The following MMP25 variants were observed in gnomAD, a reference collection of about 807,000 sequenced individuals.
The protein encoded by MMP25 is matrix metallopeptidase 25.
MMP25 carries 68 observed loss-of-function variants against 62.1 expected under a neutral mutation model. The observed-to-expected ratio is 1.10, with a 90% CI of 0.90 to 1.34. MMP25 has a LOEUF of 1.34. Ranked by LOEUF, MMP25 falls within the 40% of genes most tolerant of loss-of-function variation. The pLI is 0.00. For synonymous variants in MMP25, 407 were observed against 345.6 expected, an observed-to-expected ratio of 1.18 and a Z score of -1.97; for missense variants, 942 against 792.5, an observed-to-expected ratio of 1.19 and a Z score of -2.26.
Position 3,046,763 on chromosome 16 carries a change from C to A in MMP25, c.-155C>A, listed in dbSNP as rs1247861971. 4.4e-6 allele frequency: 2 copies of A among 457,242 alleles called. No individual in the cohort carries two copies. Among genetic ancestry groups the A allele is most frequent in the Non-Finnish European group, 7.6e-6 (2 of 262,280 alleles). 28.3% of individuals were successfully genotyped at this position (457,242 alleles called of 1,614,324 possible). A position where few individuals can be genotyped will look rare whatever the true frequency, so the allele number is the denominator to read the frequency against. ...GACTCCACCGCGCACTTCCCGGGAC[C>A]CCCACACACATCCCAGCCCTCCGGC... On this transcript the variant is annotated 5_prime_UTR_variant, in exon 1 of 10. Coordinates refer to ENST00000336577, the MANE Select transcript of MMP25 (RefSeq NM_022468.5).
At chr16:3,057,671 A>G (rs375091283) in intron 7 of MMP25, 58 bp downstream of exon 7, 5 of 1,497,756 alleles carry the variant, frequency 3.3e-6, no homozygotes, top group Admixed American at 1.7e-5. Flanking sequence ...CCAGTGACCC[A>G]CTGGGGCTGT....
chr16:3,053,247 T>G (rs1467899759), intron 4 of MMP25: 1 of 152,306 alleles, frequency 6.6e-6, no homozygotes, highest in Admixed American at 6.6e-5. Context: ...GGCAGGAGGA[T>G]TGCTTGAGTC....
At position 3,050,106 on chromosome 16, in the gene MMP25, G is replaced by T. The variant is rs779040580; in HGVS notation, c.330G>T (p.Leu110=). ...GLVRRRRRYA[L]SGSVWKKRTL... ...TCAGGCGGCGTCGCCGGTACGCTCTGAGCGGCAGCGTGTGGAAGAAGCGAA... is the reference window on the plus strand; with the variant it reads ...TCAGGCGGCGTCGCCGGTACGCTCTTAGCGGCAGCGTGTGGAAGAAGCGAA... The change falls in exon 3 of 10, where the codon CTG becomes CTT. Residue 110 remains leucine, a synonymous_variant. Transcript: ENST00000336577. The T allele has an allele frequency of 3.1e-6, 5 of 1,609,570 alleles. No individual in the cohort carries two copies. Among genetic ancestry groups the T allele is most frequent in the Admixed American group, 1.7e-5 (1 of 59,946 alleles).
At chr16:3,047,287 C>T in intron 1 of MMP25, 128 bp from the exon 2 acceptor site, 1 of 1,382,970 alleles carries the variant, frequency 7.2e-7, no homozygotes, top group Non-Finnish European at 9.8e-7. Flanking sequence ...GGGGAGCAGG[C>T]AGGCATCCGG....
chr16:3,057,247 C>T, intron 5 of MMP25, 38 bp downstream of exon 5: 10 of 1,613,944 alleles, frequency 6.2e-6, no homozygotes, highest in Non-Finnish European at 6.8e-6. Flanking sequence ...CCATCATTGC[C>T]CCATCCAGTG....
rs762354889 is a variant in MMP25, at chr16:3,057,035, G to T, written c.664G>T (p.Gly222Cys). ...CTCTCACCCACTTTCTCCTGCAGAC[G>T]GCGAGGGGACCGACCTGTTTGCCGT... ...EETWTFGSKD[G>C]EGTDLFAVAV... The change falls in exon 5 of 10, where the codon GGC becomes TGC. Residue 222 changes from glycine (G) to cysteine (C), a missense_variant and splice_region_variant. By Grantham distance (159) the Gly-to-Cys change is radical. Coordinates refer to ENST00000336577, the MANE Select transcript of MMP25 (RefSeq NM_022468.5). 6.4e-7 allele frequency: 1 copy of T among 1,567,510 alleles called. No individual in the cohort carries two copies. Among genetic ancestry groups the T allele is most frequent in the South Asian group, 1.2e-5 (1 of 85,608 alleles).
chr16:3,059,160 G>T lies in MMP25; in HGVS notation c.*62G>T, dbSNP rs900427647. The T allele has an allele frequency of 1.5e-5, 22 of 1,461,032 alleles. No individual in the cohort carries two copies. The highest frequency in any genetic ancestry group is 2.0e-5 in the Non-Finnish European group (22 of 1,100,474). The allele number at this position is 1,461,032 out of a possible 1,614,324, so 90.5% of individuals were successfully genotyped here. ...GGCCGAGTCCCCCGCCGCTGGACCT[G>T]GTCGGGGGTTGTGAGGCGCTGCGGA... On this transcript the variant is annotated 3_prime_UTR_variant, in exon 10 of 10. Transcript: ENST00000336577.
rs752637822 is a variant in MMP25, at chr16:3,050,415, C to T, written c.530C>T (p.Ala177Val). The T allele has an allele frequency of 6.2e-7, 1 of 1,613,872 alleles. No homozygotes were observed. Among genetic ancestry groups the T allele is most frequent in the Non-Finnish European group, 8.5e-7 (1 of 1,180,024 alleles). ...GACATCCTCATCGACTTTGCCCGCGCCTTCCACCAGGACAGCTACCCCTTC... is the reference window on the plus strand; with the variant it reads ...GACATCCTCATCGACTTTGCCCGCGTCTTCCACCAGGACAGCTACCCCTTC... The part of the protein sequence containing the change: ...EPDILIDFAR[A>V]FHQDSYPFDG... Residue 177 changes from alanine to valine, a missense_variant, in exon 4 of 10, where the codon GCC becomes GTC. Coordinates refer to ENST00000336577, the MANE Select transcript of MMP25 (RefSeq NM_022468.5).
intron 5 of MMP25, 22 bp downstream of exon 5, chr16:3,057,231 G>T (rs759462000): frequency 1.2e-6 from 2 of 1,613,502 alleles, no homozygotes; most frequent in African/African-American, 1.3e-5. Flanking sequence ...GGGACCTGCC[G>T]CGAAACCATC....
chr16:3,050,267 C>A lies in MMP25; in HGVS notation c.382C>A (p.Pro128Thr). The change falls in exon 4 of 10, where the codon CCC (proline) becomes ACC (threonine). Residue 128 changes from proline to threonine, a missense_variant. Transcript: ENST00000336577. ...CCCTCTCCCCAGGGTACGTTCCTTC[C>A]CCCAGAGCTCCCAGCTGAGCCAGGA... ...RTLTWRVRSF[P>T]QSSQLSQETV... The A allele has an allele frequency of 6.3e-7, 1 of 1,599,184 alleles. No homozygotes were observed. The highest frequency in any genetic ancestry group is 2.2e-5 in the East Asian group (1 of 44,622).
chr16:3,051,660 C>G (rs1955903672), intron 4 of MMP25: 1 of 152,140 alleles, frequency 6.6e-6, no homozygotes, highest in Non-Finnish European at 1.5e-5. Flanking sequence ...AAATCTTTAC[C>G]TGGCAGCTGA....
chr16:3,058,877 A>G lies in MMP25; in HGVS notation c.1468A>G (p.Ser490Gly). 1 of 1,555,074 alleles carries G rather than the reference A, an allele frequency of 6.4e-7. No homozygotes were observed. Among genetic ancestry groups the G allele is most frequent in the Non-Finnish European group, 8.7e-7 (1 of 1,149,116 alleles). Residue 490 changes from serine (S) to glycine (G), a missense_variant, in exon 10 of 10, where the codon AGC (serine) becomes GGC (glycine). Coordinates refer to ENST00000336577, the MANE Select transcript of MMP25 (RefSeq NM_022468.5). ...CCACTACTGGCGCTTCCCCAAGAAC[A>G]GCATCAAGACCGAGCCGGACGCCCC... is the stretch of plus-strand genomic sequence containing the variant. ...GAHYWRFPKN[S>G]IKTEPDAPQP... is the part of the protein sequence containing the mutation.
chr16:3,059,120 A>T lies in MMP25; in HGVS notation c.*22A>T, dbSNP rs1369133486. 1 of 1,511,228 alleles carries T rather than the reference A, an allele frequency of 6.6e-7. No individual in the cohort carries two copies. The highest frequency in any genetic ancestry group is 1.4e-5 in the African/African-American group (1 of 72,292). The allele number at this position is 1,511,228 out of a possible 1,614,324, so 93.6% of individuals were successfully genotyped here. A position where few individuals can be genotyped will look rare whatever the true frequency, so the allele number is the denominator to read the frequency against. ...CTGATGGGGGGAGCCATCCAGACCG[A>T]ACAGCGCCCTCCACGGCCGAGTCCC... On this transcript the variant is annotated 3_prime_UTR_variant, in exon 10 of 10. Coordinates refer to ENST00000336577, the MANE Select transcript of MMP25 (RefSeq NM_022468.5).
At position 3,058,863 on chromosome 16, in the gene MMP25, G is replaced by A; in HGVS notation, c.1454G>A (p.Arg485His). 6.5e-7 allele frequency: 1 copy of A among 1,545,174 alleles called. No homozygotes were observed. Among genetic ancestry groups the A allele is most frequent in the Non-Finnish European group, 8.7e-7 (1 of 1,143,388 alleles). ...TYFFKGAHYW[R>H]FPKNSIKTEP... Reference sequence around the variant, plus strand: ...TTCTTCAAGGGCGCCCACTACTGGCGCTTCCCCAAGAACAGCATCAAGACC... The same window carrying A: ...TTCTTCAAGGGCGCCCACTACTGGCACTTCCCCAAGAACAGCATCAAGACC... Residue 485 changes from arginine to histidine, a missense_variant, in exon 10 of 10, where the codon CGC (arginine) becomes CAC (histidine). By Grantham distance (29) the Arg-to-His change is conservative. Coordinates refer to ENST00000336577, the MANE Select transcript of MMP25 (RefSeq NM_022468.5).
chr16:3,060,231 T>A lies in MMP25; in HGVS notation c.*1133T>A, dbSNP rs548286136. On this transcript the variant is annotated 3_prime_UTR_variant, in exon 10 of 10. Transcript: ENST00000336577. ...ATCCCACATCAGAATCACTGGGAAATTTAAGTTTGCAGATCCCACACTCAC... is the reference window on the plus strand; with the variant it reads ...ATCCCACATCAGAATCACTGGGAAAATTAAGTTTGCAGATCCCACACTCAC... The A allele has an allele frequency of 2.6e-5, 4 of 152,200 alleles. No individual in the cohort carries two copies. Among genetic ancestry groups the A allele is most frequent in the African/African-American group, 9.6e-5 (4 of 41,510 alleles). 9.4% of individuals were successfully genotyped at this position (152,200 alleles called of 1,614,324 possible).
chr16:3,052,332 G>A (rs1955916779), intron 4 of MMP25: 1 of 152,132 alleles, frequency 6.6e-6, no homozygotes. Context: ...CCAAAACTAT[G>A]GCATCAGTAG....
At chr16:3,048,703 G>C (rs1432683351) in intron 2 of MMP25, among the ~76,000 whole-genome samples, 1 of 152,182 alleles carries the variant, frequency 6.6e-6, no homozygotes, top group East Asian at 1.9e-4. Context: ...AGAGGCCTCA[G>C]CCAAGGGCCC....
Position 3,060,188 on chromosome 16 carries a change from G to C in MMP25, c.*1090G>C, listed in dbSNP as rs552524754. The C allele has an allele frequency of 2.0e-5, 3 of 152,210 alleles. No individual in the cohort carries two copies. Among genetic ancestry groups the C allele is most frequent in the African/African-American group, 7.2e-5 (3 of 41,500 alleles). 9.4% of individuals were successfully genotyped at this position (152,210 alleles called of 1,614,324 possible). A position where few individuals can be genotyped will look rare whatever the true frequency, so the allele number is the denominator to read the frequency against. ...TTTAGGATCTAAATGATTGCCTCTG[G>C]AACTATTCTTCTAGACTATCCCACA... On this transcript the variant is annotated 3_prime_UTR_variant, in exon 10 of 10. Coordinates refer to ENST00000336577, the MANE Select transcript of MMP25 (RefSeq NM_022468.5).
At position 3,050,005 on chromosome 16, in the gene MMP25, G is replaced by T. The variant is rs774510165; in HGVS notation, c.233-4G>T. 9.9e-6 allele frequency: 16 copies of T among 1,608,430 alleles called. No homozygotes were observed. Among genetic ancestry groups the T allele is most frequent in the Middle Eastern group, 1.7e-4 (1 of 6,020 alleles). On this transcript the variant is annotated splice_region_variant and splice_polypyrimidine_tract_variant and intron_variant, in intron 2 of 9. Transcript: ENST00000336577. ...CACCCCCCACCGCCAAATGTCTCCC[G>T]CAGACCCAGGGACAGTGGCCACCAT...
Sources: allele counts gnomAD v4.1 joint callset (sites outside exome capture counted in the v4.1 genomes callset), GRCh38; gene constraint gnomAD v4.1.1; transcripts MANE v1.5; gene names NCBI Gene and HGNC (gene_info 2026-07-23, HGNC 2026-07-21).